Variants in ENTPD7 observed in about 807,000 individuals in gnomAD.
The protein encoded by ENTPD7 is NTPDase 7.
ENTPD7 carries 53 observed loss-of-function variants against 77.9 expected under a neutral mutation model. The ratio of observed to expected loss-of-function variants is 0.68; its 90% CI spans 0.55 to 0.85. The LOEUF (loss-of-function observed/expected upper bound fraction) is 0.85, where lower values mean the gene tolerates loss of function less well. Among genes scored for constraint, ENTPD7 ranks in the 40% least tolerant of loss-of-function variants. ENTPD7 has a pLI of 0.00. For missense variants in ENTPD7, 636 were observed against 743.7 expected, an observed-to-expected ratio of 0.86 and a Z score of 1.68; for synonymous variants, 248 against 274.9, an observed-to-expected ratio of 0.90 and a Z score of 0.97.
chr10:99,708,284 C>A lies in ENTPD7; in HGVS notation c.*3601C>A, dbSNP rs1231484715. 6.6e-6 allele frequency among the ~76,000 whole-genome samples: 1 copy of A among 152,044 alleles called. No homozygotes were observed. Among genetic ancestry groups the A allele is most frequent in the African/African-American group, 2.4e-5 (1 of 41,372 alleles). ...TAGGCATTAACATTTATTATCACAT[C>A]CATATTTATATTTTTGAAATAATTT... is the stretch of plus-strand genomic sequence containing the variant. On this transcript the variant is annotated 3_prime_UTR_variant, in exon 13 of 13. Transcript: ENST00000370489.
At chr10:99,683,955 A>T (rs1418112023) in intron 5 of ENTPD7, among the ~76,000 whole-genome samples, 3 of 152,216 alleles carry the variant, frequency 2.0e-5, no homozygotes, top group African/African-American at 7.2e-5. Flanking sequence ...TTTCCTTGGA[A>T]TTAATTTCTA....
At position 99,704,667 on chromosome 10, in the gene ENTPD7, T is replaced by C. The variant is rs778738545; in HGVS notation, c.1799T>C (p.Val600Ala). Residue 600 changes from valine to alanine, a missense_variant, in exon 13 of 13, where the codon GTA becomes GCA. Transcript: ENST00000370489. ...GAAGAGGTGGTGCCCATGATGGGAG[T>C]ACAGGTGGGGCCGTGAGGCTGGACC... ...WLEEVVPMMG[V>A]QVGP 3 of 1,613,606 alleles carry C rather than the reference T, an allele frequency of 1.9e-6. No individual in the cohort carries two copies. The highest frequency in any genetic ancestry group is 3.3e-5 in the Admixed American group (2 of 59,954).
intron 3 of ENTPD7, among the ~76,000 whole-genome samples, chr10:99,663,964 A>G (rs951156005): frequency 1.3e-5 from 2 of 150,938 alleles, no homozygotes; most frequent in African/African-American, 4.9e-5. Context: ...TTTTTTTTCC[A>G]GTCTTTTTTC....
At chr10:99,679,653 T>C (rs549298809) in intron 4 of ENTPD7, 72 bp from the exon 5 acceptor site, 61 of 1,529,338 alleles carry the variant, frequency 4.0e-5, no homozygotes, top group Non-Finnish European at 5.1e-5. Context: ...CTTTATAGGG[T>C]ATCAGTTTCC....
intron 3 of ENTPD7, among the ~76,000 whole-genome samples, chr10:99,664,076 C>G (rs2035519616): frequency 6.6e-6 from 1 of 151,872 alleles, no homozygotes; most frequent in South Asian, 2.1e-4. Context: ...AGTTTGACAT[C>G]TTTTTTCACA....
chr10:99,680,881 A>C (rs1468420979), intron 5 of ENTPD7, among the ~76,000 whole-genome samples: 1 of 152,180 alleles, frequency 6.6e-6, no homozygotes, highest in Non-Finnish European at 1.5e-5. Flanking sequence ...CTGGCCCAAC[A>C]AATTTTTAAG....
intron 2 of ENTPD7, chr10:99,660,252 C>G (rs2035461911): frequency 1.1e-6 from 1 of 925,068 alleles, no homozygotes; most frequent in Non-Finnish European, 1.3e-6. Flanking sequence ...AGGCTAGGTG[C>G]CACTTGAGGA....
intron 3 of ENTPD7, among the ~76,000 whole-genome samples, chr10:99,664,112 T>C (rs1564626377): frequency 6.6e-6 from 1 of 152,222 alleles, no homozygotes; most frequent in Non-Finnish European, 1.5e-5. Flanking sequence ...TTATTTTATA[T>C]ACTTTTAGCT....
At chr10:99,666,856 C>CA (rs2133441784) in intron 3 of ENTPD7, among the ~76,000 whole-genome samples, 1 of 152,308 alleles carries the variant, frequency 6.6e-6, no homozygotes, top group East Asian at 1.9e-4. Flanking sequence ...TGTGGATACT[C>CA]ACGGTATACT....
chr10:99,668,145 A>G (rs1337204164), intron 3 of ENTPD7, among the ~76,000 whole-genome samples: 1 of 151,816 alleles, frequency 6.6e-6, no homozygotes, highest in African/African-American at 2.4e-5. Flanking sequence ...ATGTTTGCCA[A>G]GCTGGTCTCA....
At chr10:99,667,449 C>T (rs569160901) in intron 3 of ENTPD7, among the ~76,000 whole-genome samples, 29 of 152,092 alleles carry the variant, frequency 1.9e-4, no homozygotes, top group Non-Finnish European at 3.4e-4. Flanking sequence ...AGTTTAGGTA[C>T]GGTTGTATAG....
Position 99,688,706 on chromosome 10 carries a change from G to T in ENTPD7, c.665G>T (p.Trp222Leu), listed in dbSNP as rs1433961243. ...GTTTCTTACTTAGGGGTTTATGCAT[G>T]GATTGGAATCAACTTTGTTTTGGGA... ...ISGKQEGVYAWIGINFVLGRF... is the reference protein window; with the variant it reads ...ISGKQEGVYALIGINFVLGRF... The change falls in exon 7 of 13, where the codon TGG becomes TTG. Residue 222 changes from tryptophan (W) to leucine (L), a missense_variant. Around this residue, in one of 3 missense-constraint regions of ENTPD7, gnomAD observed 486 missense variants for 556.5 expected, o/e 0.87. Transcript: ENST00000370489. 11 of 1,613,752 alleles carry T rather than the reference G, an allele frequency of 6.8e-6. No homozygotes were observed. The highest frequency in any genetic ancestry group is 9.3e-6 in the Non-Finnish European group (11 of 1,179,890).
Position 99,690,160 on chromosome 10 carries a change from T to C in ENTPD7, c.710-1225T>C, listed in dbSNP as rs575715136. Among the ~76,000 whole-genome samples the C allele has an allele frequency of 2.0e-5, 3 of 152,336 alleles. No homozygotes were observed. In the East Asian group the frequency reaches 5.8e-4, roughly 29 times the overall value. ...ATACTCTTTTATATTCCCCTTGCTA[T>C]CTGGTACAGCAATGTATTCCAGGGT... On this transcript the variant is annotated intron_variant, in intron 7 of 12. Transcript: ENST00000370489.
At chr10:99,677,052 G>A (rs17112093) in intron 3 of ENTPD7, among the ~76,000 whole-genome samples, 4,819 of 152,194 alleles carry the variant, frequency 0.032, 235 homozygotes, top group African/African-American at 0.11. Flanking sequence ...GAATAGTGTG[G>A]TTTTGTCTAA....
intron 10 of ENTPD7, among the ~76,000 whole-genome samples, chr10:99,699,526 A>G (rs998772182): frequency 9.9e-5 from 15 of 152,172 alleles, no homozygotes; most frequent in African/African-American, 3.6e-4. Flanking sequence ...GCGTGTCTCT[A>G]TCTTTTTCAT....
At chr10:99,693,084 G>A (rs556594745) in intron 8 of ENTPD7, among the ~76,000 whole-genome samples, 3 of 152,318 alleles carry the variant, frequency 2.0e-5, no homozygotes, top group South Asian at 4.1e-4. Flanking sequence ...TTGTGGTAGT[G>A]TGAGTAGGGT....
At chr10:99,699,114 A>C (rs764457469) in intron 10 of ENTPD7, among the ~76,000 whole-genome samples, 19 of 152,138 alleles carry the variant, frequency 1.2e-4, no homozygotes, top group Non-Finnish European at 5.9e-5. Flanking sequence ...CCAGGCATAA[A>C]ATTTTTGTGT....
intron 3 of ENTPD7, 73 bp downstream of exon 3, chr10:99,661,701 G>A: frequency 7.6e-7 from 1 of 1,314,262 alleles, no homozygotes; most frequent in Non-Finnish European, 1.0e-6. Flanking sequence ...TACTGACTTT[G>A]ACCCTTTTGG....
chr10:99,671,177 G>GC (rs2035615691), intron 3 of ENTPD7, among the ~76,000 whole-genome samples: 1 of 151,746 alleles, frequency 6.6e-6, no homozygotes, highest in South Asian at 2.1e-4. Context: ...GTACATTTAG[G>GC]CTACACTAAA....
Sources: allele counts gnomAD v4.1 joint callset (sites outside exome capture counted in the v4.1 genomes callset), GRCh38; gene constraint gnomAD v4.1.1; regional missense constraint gnomAD v4.1.1; transcripts MANE v1.5; gene names NCBI Gene and HGNC (gene_info 2026-07-23, HGNC 2026-07-21).